Variants in SRD5A2 observed in about 807,000 individuals in gnomAD.
SRD5A2 encodes the protein steroid 5 alpha-reductase 2.
In SRD5A2, 30 loss-of-function variants were observed where a neutral mutation model predicts 27.4. The ratio of observed to expected loss-of-function variants is 1.10; its 90% confidence interval spans 0.82 to 1.49. SRD5A2 has a LOEUF of 1.49. Among genes scored for constraint, SRD5A2 ranks in the 40% most tolerant of loss-of-function variants. SRD5A2 has a pLI of 0.00. For missense variants in SRD5A2, 348 were observed against 323.4 expected (o/e 1.08, Z -0.58); for synonymous variants, 141 against 133.6 (o/e 1.06, Z -0.38).
chr2:31,644,592 C>A, the SRD5A2 span, among the ~76,000 whole-genome samples: 2 of 152,172 alleles, frequency 1.3e-5, no homozygotes, highest in African/African-American at 4.8e-5. Flanking sequence ...AGAGCTCAGG[C>A]GGTGATGCTC....
At chr2:31,567,091 T>C (rs1003022990) in intron 1 of SRD5A2, among the ~76,000 whole-genome samples, 1 of 152,186 alleles carries the variant, frequency 6.6e-6, no homozygotes, top group Non-Finnish European at 1.5e-5. Flanking sequence ...TTTAATCATA[T>C]TGATTACAAT....
chr2:31,582,148 G>C (rs1667094197), upstream of SRD5A2, among the ~76,000 whole-genome samples: 1 of 152,018 alleles, frequency 6.6e-6, no homozygotes, highest in Non-Finnish European at 1.5e-5. Flanking sequence ...CCTACTTGGG[G>C]CTCCACCCCA....
intron 1 of SRD5A2, among the ~76,000 whole-genome samples, chr2:31,561,639 TC>T (rs1207309281): frequency 2.6e-5 from 4 of 152,160 alleles, no homozygotes; most frequent in African/African-American, 9.7e-5. Context: ...TCAGTATCTT[TC>T]TTCCTGCCTC....
chr2:31,529,061 T>A (rs1301822429), intron 4 of SRD5A2, among the ~76,000 whole-genome samples: 1 of 152,226 alleles, frequency 6.6e-6, no homozygotes, highest in East Asian at 1.9e-4. Context: ...GTCACCTCAG[T>A]TGCCTCTGTT....
the SRD5A2 span, among the ~76,000 whole-genome samples, chr2:31,592,947 C>T: frequency 1.3e-5 from 2 of 152,166 alleles, no homozygotes; most frequent in Non-Finnish European, 2.9e-5. Context: ...ATGATGAGTT[C>T]ATGTCCTTTG....
the SRD5A2 span, among the ~76,000 whole-genome samples, chr2:31,610,977 C>T: frequency 7.2e-5 from 11 of 152,054 alleles, no homozygotes; most frequent in Non-Finnish European, 1.2e-4. Flanking sequence ...GGCCTGGTGG[C>T]GAGCACCTGT....
chr2:31,615,070 C>G, the SRD5A2 span, among the ~76,000 whole-genome samples: 3 of 152,098 alleles, frequency 2.0e-5, no homozygotes, highest in South Asian at 2.1e-4. Flanking sequence ...GCCTCCCCAG[C>G]CACGTGGAAC....
At chr2:31,601,717 T>G in the SRD5A2 span, among the ~76,000 whole-genome samples, 1 of 152,048 alleles carries the variant, frequency 6.6e-6, no homozygotes, top group Non-Finnish European at 1.5e-5. Context: ...TCCACCATAG[T>G]CAAGTAGGCT....
At chr2:31,532,270 G>A (rs558388734) in intron 2 of SRD5A2, among the ~76,000 whole-genome samples, 2 of 151,906 alleles carry the variant, frequency 1.3e-5, no homozygotes, top group East Asian at 1.9e-4. Flanking sequence ...TTTTCTGAAC[G>A]CATTCCTGAC....
chr2:31,525,159 G>A lies in SRD5A2; in HGVS notation c.*1037C>T. 4.5e-6 allele frequency: 1 copy of A among 222,064 alleles called. No individual in the cohort carries two copies. The highest frequency in any genetic ancestry group is 9.0e-6 in the Non-Finnish European group (1 of 110,934). 13.8% of individuals were successfully genotyped at this position (222,064 alleles called of 1,614,324 possible). ...CAGGTCCTTTGAGGGAGGCATTCAG[G>A]CTGCCCCTAGGAGACACCTTCTTGA... On this transcript the variant is annotated 3_prime_UTR_variant, in exon 5 of 5. Transcript: ENST00000622030.
chr2:31,528,376 C>G (rs987065092), intron 4 of SRD5A2, among the ~76,000 whole-genome samples: 2 of 152,180 alleles, frequency 1.3e-5, no homozygotes, highest in African/African-American at 4.8e-5. Context: ...CTGTGATTAC[C>G]TGAACTGTTA....
chr2:31,548,460 C>T (rs1278596143), intron 1 of SRD5A2, among the ~76,000 whole-genome samples: 1 of 152,032 alleles, frequency 6.6e-6, no homozygotes. Context: ...ATGCAAATGG[C>T]CCATAAGAAC....
intron 1 of SRD5A2, among the ~76,000 whole-genome samples, chr2:31,559,836 C>CAA (rs70964719): frequency 0.32 from 20,597 of 63,586 alleles, 1,660 homozygotes; most frequent in Middle Eastern, 0.48. Context: ...GTAAACAAAC[C>CAA]CACACACACA....
the SRD5A2 span, among the ~76,000 whole-genome samples, chr2:31,613,729 T>A: frequency 2.6e-5 from 4 of 152,098 alleles, no homozygotes; most frequent in African/African-American, 9.7e-5. Context: ...GGGTAATCTA[T>A]AAAGAAAAAG....
intron 2 of SRD5A2, 61 bp from the exon 3 acceptor site, chr2:31,531,533 T>C: frequency 1.1e-6 from 1 of 940,572 alleles, no homozygotes; most frequent in Non-Finnish European, 1.6e-6. Context: ...GTGGTGCTTT[T>C]TTCACAAACT....
chr2:31,631,539 C>T, the SRD5A2 span, among the ~76,000 whole-genome samples: 1 of 152,076 alleles, frequency 6.6e-6, no homozygotes, highest in Middle Eastern at 3.2e-3. Context: ...TCGGCCCAGC[C>T]AGAGTGTACG....
the SRD5A2 span, among the ~76,000 whole-genome samples, chr2:31,592,907 G>A: frequency 1.6e-4 from 25 of 152,192 alleles, no homozygotes; most frequent in Non-Finnish European, 8.8e-5. Context: ...CCAGAGAAAA[G>A]TGAAAACCAA....
intron 4 of SRD5A2, 39 bp from the exon 5 acceptor site, chr2:31,526,301 G>T (rs1665780814): frequency 7.5e-7 from 1 of 1,339,014 alleles, no homozygotes; most frequent in Non-Finnish European, 1.0e-6. Flanking sequence ...ATATAATGGA[G>T]CAGTGGCTGA....
chr2:31,635,650 C>T, the SRD5A2 span, among the ~76,000 whole-genome samples: 1 of 152,076 alleles, frequency 6.6e-6, no homozygotes, highest in South Asian at 2.1e-4. Flanking sequence ...CGTCCTAGAA[C>T]ATTTCTCCAT....
Sources: gnomAD v4.1 joint callset for allele counts (sites outside exome capture counted in the v4.1 genomes callset) on GRCh38, gnomAD v4.1.1 for gene constraint, MANE v1.5 for transcripts, NCBI Gene and HGNC (gene_info 2026-07-23, HGNC 2026-07-21) for gene names.